Variants in GALNT17 observed in about 807,000 individuals in gnomAD.
GALNT17 encodes UDP-GalNAc:polypeptide N-acetylgalactosaminyltransferase-like 3.
A neutral mutation model predicts 63.7 loss-of-function variants in GALNT17; 29 were observed. The observed-to-expected ratio is 0.46, with a 90% CI of 0.34 to 0.62. GALNT17 has a LOEUF of 0.62. GALNT17 is among the 20% of genes least tolerant of loss of function. The pLI, the probability that GALNT17 is intolerant of heterozygous loss-of-function variation, is 0.01. For missense variants in GALNT17, 603 were observed against 799.6 expected (o/e 0.75, Z 2.97); for synonymous variants, 305 against 318.3 (o/e 0.96, Z 0.45).
At chr7:71,701,881 G>GTGTATA (rs1554326593) in intron 9 of GALNT17, among the ~76,000 whole-genome samples, 23 of 90,054 alleles carry the variant, frequency 2.6e-4, no homozygotes, top group Middle Eastern at 7.4e-3. Context: ...ATATATATAT[G>GTGTATA]TATATATATA....
intron 9 of GALNT17, among the ~76,000 whole-genome samples, chr7:71,690,314 A>G (rs1446295509): frequency 6.6e-6 from 1 of 151,598 alleles, no homozygotes; most frequent in Non-Finnish European, 1.5e-5. Context: ...GTGAGCCACA[A>G]CGCCTGGCCG....
intron 5 of GALNT17, among the ~76,000 whole-genome samples, chr7:71,459,043 AACATGAAGTAGT>A (rs1243470134): frequency 6.6e-6 from 1 of 152,122 alleles, no homozygotes; most frequent in Non-Finnish European, 1.5e-5. Context: ...TGTCCATATC[AACATGAAGTAGT>A]ACATGGGCAG....
chr7:71,686,287 T>G (rs996063843), intron 9 of GALNT17, among the ~76,000 whole-genome samples: 1 of 151,938 alleles, frequency 6.6e-6, no homozygotes, highest in African/African-American at 2.4e-5. Context: ...ATTTTGCAGG[T>G]TTTAGCAAGC....
intron 1 of GALNT17, among the ~76,000 whole-genome samples, chr7:71,252,608 A>G (rs1057388859): frequency 6.6e-6 from 1 of 152,186 alleles, no homozygotes; most frequent in Non-Finnish European, 1.5e-5. Context: ...CTGTGCACAC[A>G]TTTCATTTCA....
intron 6 of GALNT17, among the ~76,000 whole-genome samples, chr7:71,578,999 A>C (rs1789583941): frequency 6.6e-6 from 1 of 152,200 alleles, no homozygotes; most frequent in Non-Finnish European, 1.5e-5. Context: ...TGTAATTTGC[A>C]TCATGGTCCA....
chr7:71,466,933 G>A (rs1787545586), intron 5 of GALNT17, among the ~76,000 whole-genome samples: 1 of 149,164 alleles, frequency 6.7e-6, no homozygotes, highest in Admixed American at 6.8e-5. Context: ...CAAGGTGGCT[G>A]TAACCCCTCC....
intron 1 of GALNT17, among the ~76,000 whole-genome samples, chr7:71,310,124 A>G (rs918609994): frequency 1.3e-5 from 2 of 152,202 alleles, no homozygotes; most frequent in African/African-American, 2.4e-5. Context: ...CTCCCTAGCC[A>G]TGTGGAACTG....
chr7:71,357,987 A>C (rs563091673), intron 2 of GALNT17, among the ~76,000 whole-genome samples: 10 of 152,290 alleles, frequency 6.6e-5, no homozygotes, highest in Admixed American at 2.0e-4. Flanking sequence ...GGGAGGGGAC[A>C]AATAAGGGAA....
chr7:71,291,990 A>C (rs1790987701), intron 1 of GALNT17, among the ~76,000 whole-genome samples: 1 of 152,132 alleles, frequency 6.6e-6, no homozygotes, highest in Admixed American at 6.5e-5. Context: ...TCATGGTTTA[A>C]TAATAAAAAT....
intron 1 of GALNT17, among the ~76,000 whole-genome samples, chr7:71,190,913 A>G (rs1788940385): frequency 6.6e-6 from 1 of 152,188 alleles, no homozygotes; most frequent in South Asian, 2.1e-4. Flanking sequence ...TTTTACAGGC[A>G]TGAGCCACTG....
At chr7:71,548,378 A>T (rs933157066) in intron 5 of GALNT17, among the ~76,000 whole-genome samples, 1 of 152,068 alleles carries the variant, frequency 6.6e-6, no homozygotes. Flanking sequence ...TTTCTTGCCC[A>T]TGGGTTACAG....
intron 1 of GALNT17, among the ~76,000 whole-genome samples, chr7:71,229,122 C>T (rs527327530): frequency 8.5e-5 from 13 of 152,272 alleles, no homozygotes; most frequent in East Asian, 3.9e-4. Flanking sequence ...CTCTTTGCCC[C>T]GGGTGCTGCA....
intron 2 of GALNT17, 140 bp from the exon 3 acceptor site, chr7:71,388,095 G>T: frequency 1.2e-6 from 1 of 823,776 alleles, no homozygotes; most frequent in Non-Finnish European, 1.9e-6. Context: ...CTTAGCCAAG[G>T]AGAAGCCTAA....
At chr7:71,495,131 CTGGG>C (rs1358022927) in intron 5 of GALNT17, among the ~76,000 whole-genome samples, 2 of 152,106 alleles carry the variant, frequency 1.3e-5, no homozygotes, top group Non-Finnish European at 2.9e-5. Context: ...CAGAAACTAG[CTGGG>C]CATGGTGGTG....
At chr7:71,247,836 A>G (rs1370680182) in intron 1 of GALNT17, among the ~76,000 whole-genome samples, 1 of 152,238 alleles carries the variant, frequency 6.6e-6, no homozygotes, top group African/African-American at 2.4e-5. Context: ...TATGTATTGT[A>G]TATCATATTC....
intron 1 of GALNT17, among the ~76,000 whole-genome samples, chr7:71,234,585 ACAAAC>A (rs1242004917): frequency 6.6e-6 from 1 of 152,116 alleles, no homozygotes; most frequent in African/African-American, 2.4e-5. Context: ...ACCTTGAAGT[ACAAAC>A]CAAGGAGGAG....
At chr7:71,390,021 A>G (rs563081090) in intron 3 of GALNT17, among the ~76,000 whole-genome samples, 125 of 152,274 alleles carry the variant, frequency 8.2e-4, no homozygotes, top group African/African-American at 2.4e-3. Context: ...GTTGGATCCC[A>G]ACCTGCAAAA....
intron 3 of GALNT17, among the ~76,000 whole-genome samples, chr7:71,389,595 A>G (rs182347461): frequency 6.6e-6 from 1 of 152,324 alleles, no homozygotes; most frequent in Non-Finnish European, 1.5e-5. Flanking sequence ...TCTAGGGCTC[A>G]TAAGAATCAT....
chr7:71,379,072 A>G (rs1792796920), intron 2 of GALNT17, among the ~76,000 whole-genome samples: 1 of 152,154 alleles, frequency 6.6e-6, no homozygotes, highest in Admixed American at 6.5e-5. Flanking sequence ...GACCAGAGTG[A>G]AGAGTGCCAT....
Sources: gnomAD v4.1 joint callset for allele counts (sites outside exome capture counted in the v4.1 genomes callset) on GRCh38, gnomAD v4.1.1 for gene constraint, MANE v1.5 for transcripts, NCBI Gene and HGNC (gene_info 2026-07-23, HGNC 2026-07-21) for gene names.